TMEM132B: variants seen among roughly 807,000 people sequenced by gnomAD.
The protein encoded by TMEM132B is transmembrane protein 132B.
Under a neutral mutation model 90.8 loss-of-function variants are expected in TMEM132B, and 18 were observed. That is an observed-to-expected ratio of 0.20 (90% CI 0.14 to 0.29). The LOEUF (loss-of-function observed/expected upper bound fraction) is 0.29, where lower values mean the gene tolerates loss of function less well. Among genes scored for constraint, TMEM132B ranks in the 10% least tolerant of loss-of-function variants. The pLI, the probability that TMEM132B is intolerant of heterozygous loss-of-function variation, is 1.00. For missense variants in TMEM132B, 1,096 were observed against 1,326.8 expected (o/e 0.83, Z 2.70); for synonymous variants, 504 against 523.3 (o/e 0.96, Z 0.50).
At chr12:125,503,031 C>T (rs990982259) in intron 3 of TMEM132B, among the ~76,000 whole-genome samples, 6 of 152,166 alleles carry the variant, frequency 3.9e-5, no homozygotes, top group East Asian at 1.9e-4. Context: ...TCAGCAGGTG[C>T]GGTCCCAGAC....
intron 1 of TMEM132B, among the ~76,000 whole-genome samples, chr12:125,211,926 T>G (rs1873328057): frequency 6.6e-6 from 1 of 152,180 alleles, no homozygotes; most frequent in African/African-American, 2.4e-5. Flanking sequence ...CAGCTGGGCA[T>G]TCACTGATGG....
At chr12:125,335,804 T>A (rs926439708) in intron 1 of TMEM132B, among the ~76,000 whole-genome samples, 1 of 152,084 alleles carries the variant, frequency 6.6e-6, no homozygotes, top group African/African-American at 2.4e-5. Flanking sequence ...CTGGCTAACA[T>A]GGCAAAACCC....
At chr12:125,637,163 G>C (rs1886504242) in intron 5 of TMEM132B, among the ~76,000 whole-genome samples, 1 of 152,128 alleles carries the variant, frequency 6.6e-6, no homozygotes, top group African/African-American at 2.4e-5. Flanking sequence ...GCTTTTCAGT[G>C]CTCTACATTT....
At chr12:125,367,303 A>G (rs1878163918) in intron 2 of TMEM132B, among the ~76,000 whole-genome samples, 2 of 152,120 alleles carry the variant, frequency 1.3e-5, no homozygotes, top group Non-Finnish European at 2.9e-5. Context: ...TTGATTTTCC[A>G]GTAAGTGTTG....
intron 3 of TMEM132B, among the ~76,000 whole-genome samples, chr12:125,488,722 T>G (rs1460005017): frequency 6.6e-6 from 1 of 152,244 alleles, no homozygotes; most frequent in African/African-American, 2.4e-5. Flanking sequence ...GAAAACAGAC[T>G]AATACAGCAT....
At chr12:125,380,581 A>G (rs1485866707) in intron 2 of TMEM132B, among the ~76,000 whole-genome samples, 10 of 152,172 alleles carry the variant, frequency 6.6e-5, no homozygotes, top group African/African-American at 2.4e-4. Flanking sequence ...GATCCCAAGC[A>G]TGTGATTGGA....
At position 125,418,587 on chromosome 12, in the gene TMEM132B, C is replaced by T. The variant is rs375778773; in HGVS notation, c.1106+2910C>T. On this transcript the variant is annotated intron_variant, in intron 3 of 8. Coordinates refer to ENST00000682704, the MANE Select transcript of TMEM132B (RefSeq NM_001366854.1). ...CTCGTGGACCGTGCTTGCCAGCTAA[C>T]AAAGTGAATATATGAATATATCCCC... Among the ~76,000 whole-genome samples, 19 of 152,232 alleles carry T rather than the reference C, an allele frequency of 1.2e-4. No individual in the cohort carries two copies. The East Asian group carries it at 1.9e-3, about 15-fold the overall frequency.
intron 3 of TMEM132B, among the ~76,000 whole-genome samples, chr12:125,517,357 T>TGCA (rs1883191402): frequency 2.1e-5 from 2 of 95,468 alleles, no homozygotes; most frequent in African/African-American, 1.2e-4. Context: ...TTTTTTTTTT[T>TGCA]TTTTTTTTGC....
chr12:125,196,796 G>A (rs1373565697), intron 1 of TMEM132B, among the ~76,000 whole-genome samples: 2 of 152,188 alleles, frequency 1.3e-5, no homozygotes, highest in Non-Finnish European at 2.9e-5. Flanking sequence ...CATAGTAAGT[G>A]CTCAGTAAAG....
At chr12:125,332,841 G>A (rs1391083678) in intron 1 of TMEM132B, among the ~76,000 whole-genome samples, 1 of 151,872 alleles carries the variant, frequency 6.6e-6, no homozygotes, top group Non-Finnish European at 1.5e-5. Context: ...GGAAAATAAT[G>A]AACTGCCTTA....
chr12:125,561,544 A>AT (rs1884533917), intron 4 of TMEM132B, among the ~76,000 whole-genome samples: 2 of 152,144 alleles, frequency 1.3e-5, no homozygotes. Context: ...AAAGAAATGC[A>AT]TTTTTTAAAT....
rs1469546114 is a variant in TMEM132B, at chr12:125,406,379, G to A, written c.960-9152G>A. The stretch of plus-strand genomic sequence containing the variant: ...AGTGCAAGGCGGAGGACAGTGCCTG[G>A]CTTCTAGAAGGGGCTTGAGACATTT... On this transcript the variant is annotated intron_variant, in intron 2 of 8. Coordinates refer to ENST00000682704, the MANE Select transcript of TMEM132B (RefSeq NM_001366854.1). The surrounding 1 kb of genome is among the most constrained non-coding windows in gnomAD (Gnocchi z 8.3). Among the ~76,000 whole-genome samples the A allele has an allele frequency of 6.6e-6, 1 of 152,234 alleles. No homozygotes were observed. Among genetic ancestry groups the A allele is most frequent in the East Asian group, 1.9e-4 (1 of 5,194 alleles).
intron 5 of TMEM132B, among the ~76,000 whole-genome samples, chr12:125,630,071 A>G (rs1886325003): frequency 6.6e-6 from 1 of 151,996 alleles, no homozygotes; most frequent in Admixed American, 6.6e-5. Context: ...TTGGATTAGT[A>G]TGCACCAGAG....
At position 125,253,313 on chromosome 12, in the gene TMEM132B, C is replaced by G. The variant is rs117558706; in HGVS notation, c.67+66447C>G. Among the ~76,000 whole-genome samples the G allele has an allele frequency of 4.1e-3, 621 of 152,240 alleles. 2 individuals are homozygous for G. Among genetic ancestry groups the G allele is most frequent in the Non-Finnish European group, 6.7e-3 (456 of 68,028 alleles). On this transcript the variant is annotated intron_variant, in intron 1 of 8. Transcript: ENST00000682704. ...CGTTAAGTCCATTAATGAGGACTAG[C>G]CAGTTATTCGTCTGTGCAAAATCTG...
chr12:125,229,387 C>T (rs1050473933), intron 1 of TMEM132B, among the ~76,000 whole-genome samples: 4 of 152,178 alleles, frequency 2.6e-5, no homozygotes, highest in African/African-American at 4.8e-5. Flanking sequence ...GTCCTGGCCT[C>T]GAAGGTCCTT....
chr12:125,456,829 C>T (rs1232497373), intron 3 of TMEM132B, among the ~76,000 whole-genome samples: 1 of 152,218 alleles, frequency 6.6e-6, no homozygotes, highest in Non-Finnish European at 1.5e-5. Context: ...TACATCTGAA[C>T]TTTGTGAATT....
In TMEM132B at chr12:125,604,620, A is replaced by T. The variant is rs1214493295; in HGVS notation, c.1437+20626A>T. Among the ~76,000 whole-genome samples, 5 of 152,370 alleles carry T rather than the reference A, an allele frequency of 3.3e-5. No individual in the cohort carries two copies. The East Asian group carries it at 9.6e-4, about 29-fold the overall frequency. The stretch of plus-strand genomic sequence containing the variant: ...CCAGAACTTAAAGTAAAATAAAAAA[A>T]ATAAATAAATTGATGAGCAAATGTT... On this transcript the variant is annotated intron_variant, in intron 5 of 8. Transcript: ENST00000682704.
At chr12:125,410,876 T>G (rs1593130797) in intron 2 of TMEM132B, among the ~76,000 whole-genome samples, 1 of 9,664 alleles carries the variant, frequency 1.0e-4, no homozygotes, top group Non-Finnish European at 1.9e-4. Context: ...TGGAGTGGAG[T>G]GAGTGGAGTG....
In TMEM132B at chr12:125,514,201, C is replaced by T. The variant is rs143937577; in HGVS notation, c.1107-5238C>T. ...TCTCCCAGAATGCAAACGCCACACG[C>T]CCCCCACCCCCAACGAGTTTTACAG... On this transcript the variant is annotated intron_variant, in intron 3 of 8. Transcript: ENST00000682704. Among the ~76,000 whole-genome samples the T allele has an allele frequency of 7.0e-3, 1,062 of 152,120 alleles. 19 individuals carry two copies. The highest frequency in any genetic ancestry group is 0.025 in the African/African-American group (1,031 of 41,482).
Sources: allele counts gnomAD v4.1 joint callset (sites outside exome capture counted in the v4.1 genomes callset), GRCh38; gene constraint gnomAD v4.1.1; non-coding constraint Gnocchi (gnomAD v3.1); transcripts MANE v1.5; gene names NCBI Gene and HGNC (gene_info 2026-07-23, HGNC 2026-07-21).